Variants in IK observed in about 807,000 individuals in gnomAD.
The protein encoded by IK is protein Red.
In IK, 47 loss-of-function variants were observed where a neutral mutation model predicts 90.9. That is an observed-to-expected ratio of 0.52 (90% CI 0.41 to 0.66). The LOEUF (loss-of-function observed/expected upper bound fraction) is 0.66, where lower values mean the gene tolerates loss of function less well. Among genes scored for constraint, IK ranks in the 30% least tolerant of loss-of-function variants. IK has a pLI of 0.00. For missense variants in IK, 385 were observed against 709.3 expected (o/e 0.54, Z 5.19); for synonymous variants, 201 against 227.5 (o/e 0.88, Z 1.05).
chr5:140,655,699 G>A (rs1757697548), intron 8 of IK, 130 bp from the exon 9 acceptor site: 1 of 796,334 alleles, frequency 1.3e-6, no homozygotes, highest in African/African-American at 1.7e-5. Flanking sequence ...CCACTTCATA[G>A]GGCTGTTGCA....
At chr5:140,648,012 G>A (rs1757512385) in intron 1 of IK, 88 bp downstream of exon 1, 1 of 840,406 alleles carries the variant, frequency 1.2e-6, no homozygotes, top group African/African-American at 2.6e-5. Context: ...AGCCGGGTGT[G>A]TGTGTGTGTG....
In IK at chr5:140,648,040, G is replaced by A. The variant is rs987957327; in HGVS notation, c.16+116G>A. ...TGTGTGTGTGTGTGTGTGTGTGTGTGTGTGTATGTATGTATGTGTGACGCT... is the reference window on the plus strand; with the variant it reads ...TGTGTGTGTGTGTGTGTGTGTGTGTATGTGTATGTATGTATGTGTGACGCT... On this transcript the variant is annotated intron_variant, in intron 1 of 19. Coordinates refer to ENST00000417647, the MANE Select transcript of IK (RefSeq NM_006083.4). 2.5e-5 allele frequency: 19 copies of A among 763,234 alleles called. No homozygotes were observed. In the East Asian group the frequency reaches 2.6e-4, roughly 11 times the overall value. 47.3% of individuals were successfully genotyped at this position (763,234 alleles called of 1,614,324 possible). A position where few individuals can be genotyped will look rare whatever the true frequency, so the allele number is the denominator to read the frequency against.
At chr5:140,652,924 AC>A in intron 4 of IK, 52 bp from the exon 5 acceptor site, 1 of 1,561,006 alleles carries the variant, frequency 6.4e-7, no homozygotes, top group South Asian at 1.1e-5. Flanking sequence ...AGTTCTGTTG[AC>A]CTTGAGGTAG....
Position 140,660,687 on chromosome 5 carries a change from G to A in IK, c.1356-71G>A, listed in dbSNP as rs1291345091. 2.5e-6 allele frequency: 3 copies of A among 1,217,376 alleles called. No individual in the cohort carries two copies. In the African/African-American group the frequency reaches 4.5e-5, roughly 18 times the overall value. 75.4% of individuals were successfully genotyped at this position (1,217,376 alleles called of 1,614,324 possible). A position where few individuals can be genotyped will look rare whatever the true frequency, so the allele number is the denominator to read the frequency against. ...TCATTCCTATGCAGATAACCTCTTA[G>A]TCGGGTAGGTTTCCAGATGAAGCAT... is the stretch of plus-strand genomic sequence containing the variant. On this transcript the variant is annotated intron_variant, in intron 15 of 19. Coordinates refer to ENST00000417647, the MANE Select transcript of IK (RefSeq NM_006083.4).
rs762057029 is a variant in IK, at chr5:140,648,007, G to GGTGTGTGTGTGT, written c.16+110_16+121dup. 2,933 of 930,270 alleles carry GGTGTGTGTGTGT rather than the reference G, an allele frequency of 3.2e-3. 4 individuals carry two copies. The highest frequency in any genetic ancestry group is 0.011 in the East Asian group (432 of 39,302). 57.6% of individuals were successfully genotyped at this position (930,270 alleles called of 1,614,324 possible). On this transcript the variant is annotated intron_variant, in intron 1 of 19. Coordinates refer to ENST00000417647, the MANE Select transcript of IK (RefSeq NM_006083.4). ...TATTGTAGCTTCTGAGCTTAAGCCG[G>GGTGTGTGTGTGT]GTGTGTGTGTGTGTGTGTGTGTGTG...
chr5:140,659,377 G>A, intron 13 of IK, 44 bp downstream of exon 13: 1 of 1,610,890 alleles, frequency 6.2e-7, no homozygotes, highest in Non-Finnish European at 8.5e-7. Flanking sequence ...TAGCAGTCCT[G>A]CTTTCCCCTG....
rs1757662301 is a variant in IK at position 140,653,943 on chromosome 5, A to G, written c.410A>G (p.Lys137Arg). The change falls in exon 6 of 20, where the codon AAA becomes AGA. Residue 137 changes from lysine (K) to arginine (R), a missense_variant. Physicochemically the swap from Lys to Arg is conservative, Grantham distance 26 (BLOSUM62 2). Coordinates refer to ENST00000417647, the MANE Select transcript of IK (RefSeq NM_006083.4). Reference sequence around the variant, plus strand: ...TGGCCTCTTTCATTATACAGGGACAAATCAGCTGCAGAGAAGAGAAGACAG... The same window carrying G: ...TGGCCTCTTTCATTATACAGGGACAGATCAGCTGCAGAGAAGAGAAGACAG... ...RAVGPTAEAD[K>R]SAAEKRRQLI... The G allele has an allele frequency of 1.9e-6, 3 of 1,604,274 alleles. 1 individual carries two copies. The highest frequency in any genetic ancestry group is 8.5e-7 in the Non-Finnish European group (1 of 1,172,156).
Position 140,661,037 on chromosome 5 carries a change from C to A in IK, c.1413+222C>A. 2.2e-6 allele frequency: 1 copy of A among 463,168 alleles called. No individual in the cohort carries two copies. Among genetic ancestry groups the A allele is most frequent in the Non-Finnish European group, 3.8e-6 (1 of 263,030 alleles). 28.7% of individuals were successfully genotyped at this position (463,168 alleles called of 1,614,324 possible). The stretch of plus-strand genomic sequence containing the variant: ...GGGTCAAAAATCTATTTTTTACTTC[C>A]TATAGCAAAGTGCCAGGCTTTGATT... On this transcript the variant is annotated intron_variant, in intron 16 of 19. Transcript: ENST00000417647. The surrounding 1 kb of genome is among the most constrained non-coding windows in gnomAD (Gnocchi z 4.2).
intron 2 of IK, among the ~76,000 whole-genome samples, chr5:140,649,443 G>T (rs1757575493): frequency 6.6e-6 from 1 of 150,934 alleles, no homozygotes; most frequent in Non-Finnish European, 1.5e-5. Context: ...TTGAACTCCT[G>T]GCCTGAAGTG....
rs1561979735 is a variant in IK at position 140,659,414 on chromosome 5, GA to G, written c.1195+82del. 5 of 1,477,104 alleles carry G rather than the reference GA, an allele frequency of 3.4e-6. No homozygotes were observed. In the African/African-American group the frequency reaches 6.9e-5, roughly 20 times the overall value. 91.5% of individuals were successfully genotyped at this position (1,477,104 alleles called of 1,614,324 possible). On this transcript the variant is annotated intron_variant, in intron 13 of 19. Coordinates refer to ENST00000417647, the MANE Select transcript of IK (RefSeq NM_006083.4). ...TAGGGCTCAGAGCTGGCAACGGTGG[GA>G]TTGGGGGACCTCCTGGTTCTGGGTT...
At position 140,662,176 on chromosome 5, in the gene IK, C is replaced by A; in HGVS notation, c.1612-3C>A. 1.2e-6 allele frequency: 2 copies of A among 1,613,914 alleles called. No homozygotes were observed. The highest frequency in any genetic ancestry group is 1.7e-6 in the Non-Finnish European group (2 of 1,179,836). Reference sequence around the variant, plus strand: ...GTGATAGACTATCCTGTTGTTTTTGCAGATCATTGAGAAGAGGAAGAAGAT... The same window carrying A: ...GTGATAGACTATCCTGTTGTTTTTGAAGATCATTGAGAAGAGGAAGAAGAT... On this transcript the variant is annotated splice_region_variant and splice_polypyrimidine_tract_variant and intron_variant, in intron 18 of 19. Transcript: ENST00000417647.
intron 10 of IK, 35 bp from the exon 11 acceptor site, chr5:140,658,699 TGAG>T: frequency 6.6e-7 from 1 of 1,513,830 alleles, no homozygotes; most frequent in Non-Finnish European, 9.1e-7. Flanking sequence ...GGAAATTAAC[TGAG>T]GAGTATGTTC....
chr5:140,651,696 C>A lies in IK; in HGVS notation c.84-18C>A, dbSNP rs367673347. On this transcript the variant is annotated intron_variant, in intron 2 of 19. Transcript: ENST00000417647. ...CTTATTGAGTCCTAATATTTAAAAT[C>A]TTTGCCTTTTCTTCTAGATCAAAAC... 3.4e-4 allele frequency: 477 copies of A among 1,414,536 alleles called. 5 individuals carry two copies. In the African/African-American group the frequency reaches 6.3e-3, roughly 19 times the overall value. The allele number at this position is 1,414,536 out of a possible 1,614,324, so 87.6% of individuals were successfully genotyped here.
In IK at chr5:140,660,106, A is replaced by G. The variant is rs1360980933; in HGVS notation, c.1275-9A>G. On this transcript the variant is annotated splice_polypyrimidine_tract_variant and intron_variant, in intron 14 of 19. Transcript: ENST00000417647. ...AATCCTGTGTAGTGTTTTCTTTAAC[A>G]TAGCATATGCTGAAGAAGCCAGAAG... 6.2e-6 allele frequency: 10 copies of G among 1,612,036 alleles called. No homozygotes were observed. In the South Asian group the frequency reaches 1.1e-4, roughly 18 times the overall value.
intron 4 of IK, among the ~76,000 whole-genome samples, chr5:140,652,646 G>A (rs932944540): frequency 6.6e-6 from 1 of 152,230 alleles, no homozygotes; most frequent in Admixed American, 6.5e-5. Flanking sequence ...AAATTTAGAA[G>A]GTGGTAAAAA....
At chr5:140,659,227 T>C (rs1561979586) in intron 12 of IK, 63 bp downstream of exon 12, 5 of 1,610,444 alleles carry the variant, frequency 3.1e-6, no homozygotes, top group South Asian at 2.2e-5. Context: ...GTGAGCAAGG[T>C]TGGGTAAGGA....
At chr5:140,662,043 G>A in intron 18 of IK, 36 bp downstream of exon 18, 1 of 1,572,420 alleles carries the variant, frequency 6.4e-7, no homozygotes, top group Non-Finnish European at 8.7e-7. Flanking sequence ...GAGGGTTTCA[G>A]CTGGGAGAAG....
chr5:140,660,726 G>T (rs371472082), intron 15 of IK, 32 bp from the exon 16 acceptor site: 1 of 1,580,584 alleles, frequency 6.3e-7, no homozygotes, highest in Admixed American at 1.7e-5. Context: ...GTCAGGGTAT[G>T]CAACATCTGT....
chr5:140,653,856 A>C, intron 5 of IK, 82 bp from the exon 6 acceptor site: 1 of 797,816 alleles, frequency 1.3e-6, no homozygotes, highest in Non-Finnish European at 2.1e-6. Flanking sequence ...GTCCGCCTTG[A>C]CCTCCCAGAG....
Sources: allele counts gnomAD v4.1 joint callset (sites outside exome capture counted in the v4.1 genomes callset), GRCh38; gene constraint gnomAD v4.1.1; non-coding constraint Gnocchi (gnomAD v3.1); transcripts MANE v1.5; gene names NCBI Gene and HGNC (gene_info 2026-07-23, HGNC 2026-07-21).